The following SMIM43 variants were observed in gnomAD, a reference collection of about 807,000 sequenced individuals.
SMIM43 encodes Nodal Enhanced MEsendoderm Peptide.
rs1268214771 is a variant in SMIM43 at position 121,759,641 on chromosome 4, C to T, written c.*1333G>A. ...ACAGCCCTAGATGTGGGAAGTGTTT[C>T]TTCTTTGCTTAGCTAGGATGTAGGC... On this transcript the variant is annotated 3_prime_UTR_variant, in exon 6 of 6. Coordinates refer to ENST00000643802, the MANE Select transcript of SMIM43 (RefSeq NM_001384332.1). 6.6e-6 allele frequency: 1 copy of T among 152,130 alleles called. No homozygotes were observed. The highest frequency in any genetic ancestry group is 1.5e-5 in the Non-Finnish European group (1 of 68,052). 9.4% of individuals were successfully genotyped at this position (152,130 alleles called of 1,614,324 possible).
chr4:121,760,231 C>T lies in SMIM43; in HGVS notation c.*743G>A. The T allele has an allele frequency of 6.5e-7, 1 of 1,536,002 alleles. No individual in the cohort carries two copies. ...CAAGATCCACCATCATCTTCTTCTT[C>T]ATCAAGAGAAACTGGATTTTTGTCA... On this transcript the variant is annotated 3_prime_UTR_variant, in exon 6 of 6. Coordinates refer to ENST00000643802, the MANE Select transcript of SMIM43 (RefSeq NM_001384332.1).
In SMIM43 at chr4:121,759,001, AACAT is replaced by A. The variant is rs1725910882; in HGVS notation, c.*1969_*1972del. The A allele has an allele frequency of 6.6e-6, 1 of 152,226 alleles. No individual in the cohort carries two copies. Among genetic ancestry groups the A allele is most frequent in the Non-Finnish European group, 1.5e-5 (1 of 68,044 alleles). 9.4% of individuals were successfully genotyped at this position (152,226 alleles called of 1,614,324 possible). On this transcript the variant is annotated 3_prime_UTR_variant, in exon 6 of 6. Coordinates refer to ENST00000643802, the MANE Select transcript of SMIM43 (RefSeq NM_001384332.1). ...ATATAAGCCACCTAATATTTTGAAA[AACAT>A]ACACAGAATAATCATTTAGCTGCCA...
In SMIM43 at chr4:121,759,120, A is replaced by G. The variant is rs1725918247; in HGVS notation, c.*1854T>C. ...GTCACTCTGACTAGGAACACATAAT[A>G]GTCACTAGGAAGGTGAAGTGGAGCA... On this transcript the variant is annotated 3_prime_UTR_variant, in exon 6 of 6. Transcript: ENST00000643802. 3 of 152,356 alleles carry G rather than the reference A, an allele frequency of 2.0e-5. No homozygotes were observed. The highest frequency in any genetic ancestry group is 3.4e-3 in the Middle Eastern group (1 of 294). The allele number at this position is 152,356 out of a possible 1,614,324, so 9.4% of individuals were successfully genotyped here.
chr4:121,764,959 C>T lies in SMIM43; in HGVS notation c.147G>A (p.Ser49=), dbSNP rs775008536. ...TAGALQPGRL[S]VHREPWGFSR... ...AGAAGCCCCAAGGCTCGCGGTGCAC[C>T]GAGAGGCGCCCGGGCTGGAGCGCCC... Residue 49 remains serine (S), a synonymous_variant, in exon 1 of 6, where the codon TCG becomes TCA. Coordinates refer to ENST00000643802, the MANE Select transcript of SMIM43 (RefSeq NM_001384332.1). 5.0e-6 allele frequency: 2 copies of T among 398,432 alleles called. No homozygotes were observed. Among genetic ancestry groups the T allele is most frequent in the Admixed American group, 4.4e-5 (1 of 22,704 alleles). 24.7% of individuals were successfully genotyped at this position (398,432 alleles called of 1,614,324 possible). A position where few individuals can be genotyped will look rare whatever the true frequency, so the allele number is the denominator to read the frequency against.
chr4:121,760,466 T>A lies in SMIM43; in HGVS notation c.*508A>T. 1 of 1,539,986 alleles carries A rather than the reference T, an allele frequency of 6.5e-7. No homozygotes were observed. Among genetic ancestry groups the A allele is most frequent in the Non-Finnish European group, 8.7e-7 (1 of 1,143,574 alleles). On this transcript the variant is annotated 3_prime_UTR_variant, in exon 6 of 6. Coordinates refer to ENST00000643802, the MANE Select transcript of SMIM43 (RefSeq NM_001384332.1). ...TTCTTGTGGGGTGCTGCGGGGACCATCTTGGAACCTGGAGGAAAAAGCCAA... is the reference window on the plus strand; with the variant it reads ...TTCTTGTGGGGTGCTGCGGGGACCAACTTGGAACCTGGAGGAAAAAGCCAA...
In SMIM43 at chr4:121,760,276, C is replaced by T; in HGVS notation, c.*698G>A. 2 of 1,587,214 alleles carry T rather than the reference C, an allele frequency of 1.3e-6. No individual in the cohort carries two copies. Among genetic ancestry groups the T allele is most frequent in the Non-Finnish European group, 1.7e-6 (2 of 1,169,154 alleles). ...TTGTCAAAGGCAGTTATATATCCAG[C>T]TACAAAAACTACATTTCTCAGACAA... On this transcript the variant is annotated 3_prime_UTR_variant, in exon 6 of 6. Transcript: ENST00000643802.
upstream of SMIM43, chr4:121,765,209 C>T: frequency 2.6e-6 from 1 of 384,862 alleles, no homozygotes; most frequent in Non-Finnish European, 4.6e-6. Flanking sequence ...CCGCCCCTCG[C>T]GAGGGCGTCC....
chr4:121,764,702 C>T (rs899368770), intron 1 of SMIM43, 115 bp downstream of exon 1: 36 of 389,148 alleles, frequency 9.3e-5, no homozygotes, highest in African/African-American at 7.0e-4. Context: ...CCCCATACAC[C>T]CACCGTCCCT....
chr4:121,761,253 G>A (rs1040569289), intron 5 of SMIM43, among the ~76,000 whole-genome samples: 6 of 152,092 alleles, frequency 3.9e-5, no homozygotes, highest in East Asian at 1.9e-4. Flanking sequence ...AAATATGCAC[G>A]AATATCTCAG....
chr4:121,762,196 T>C (rs1560609553), intron 3 of SMIM43, among the ~76,000 whole-genome samples: 1 of 152,090 alleles, frequency 6.6e-6, no homozygotes, highest in Non-Finnish European at 1.5e-5. Flanking sequence ...GAACAGGGGA[T>C]CGTCAGGGGA....
At position 121,760,115 on chromosome 4, in the gene SMIM43, T is replaced by A. The variant is rs146568300; in HGVS notation, c.*859A>T. 6,968 of 920,036 alleles carry A rather than the reference T, an allele frequency of 7.6e-3. 35 individuals are homozygous for A. The highest frequency in any genetic ancestry group is 9.8e-3 in the Non-Finnish European group (6,235 of 638,174). 57.0% of individuals were successfully genotyped at this position (920,036 alleles called of 1,614,324 possible). A position where few individuals can be genotyped will look rare whatever the true frequency, so the allele number is the denominator to read the frequency against. On this transcript the variant is annotated 3_prime_UTR_variant, in exon 6 of 6. Transcript: ENST00000643802. ...CAGTGCTGCTTGGAGCTTTGACAGT[T>A]GTGAAGGAACTAGAGTTTTGATCTT... is the stretch of plus-strand genomic sequence containing the variant.
chr4:121,761,401 A>G (rs1249277788), intron 5 of SMIM43, 137 bp downstream of exon 5: 5 of 744,374 alleles, frequency 6.7e-6, no homozygotes, highest in African/African-American at 5.3e-5. Flanking sequence ...ACTATTCTAA[A>G]TGGTTTAACC....
At chr4:121,761,805 A>G (rs770369985) in intron 4 of SMIM43, 25 bp downstream of exon 4, 4 of 1,612,396 alleles carry the variant, frequency 2.5e-6, no homozygotes, top group South Asian at 2.2e-5. Flanking sequence ...CTTGCCAAGT[A>G]GAACTGCAGA....
Position 121,759,730 on chromosome 4 carries a change from G to C in SMIM43, c.*1244C>G, listed in dbSNP as rs1725950579. ...AGGATATTCCTAGACTGGTGGTGGA[G>C]TCACAGAAAGGAGTAAGGTAGCCTT... is the stretch of plus-strand genomic sequence containing the variant. On this transcript the variant is annotated 3_prime_UTR_variant, in exon 6 of 6. Coordinates refer to ENST00000643802, the MANE Select transcript of SMIM43 (RefSeq NM_001384332.1). 1 of 152,216 alleles carries C rather than the reference G, an allele frequency of 6.6e-6. No individual in the cohort carries two copies. Among genetic ancestry groups the C allele is most frequent in the Non-Finnish European group, 1.5e-5 (1 of 68,066 alleles). 9.4% of individuals were successfully genotyped at this position (152,216 alleles called of 1,614,324 possible). A position where few individuals can be genotyped will look rare whatever the true frequency, so the allele number is the denominator to read the frequency against.
In SMIM43 at chr4:121,759,461, A is replaced by G. The variant is rs1223504513; in HGVS notation, c.*1513T>C. 1 of 152,212 alleles carries G rather than the reference A, an allele frequency of 6.6e-6. No homozygotes were observed. Among genetic ancestry groups the G allele is most frequent in the Non-Finnish European group, 1.5e-5 (1 of 68,040 alleles). The allele number at this position is 152,212 out of a possible 1,614,324, so 9.4% of individuals were successfully genotyped here. A position where few individuals can be genotyped will look rare whatever the true frequency, so the allele number is the denominator to read the frequency against. On this transcript the variant is annotated 3_prime_UTR_variant, in exon 6 of 6. Transcript: ENST00000643802. ...CTAGTAGCCCCATTTGGCTATCTGA[A>G]TTTAAATTAATTACAATTAAACAAA...
chr4:121,763,932 A>G (rs1726208076), intron 1 of SMIM43, 60 bp from the exon 2 acceptor site: 1 of 152,194 alleles, frequency 6.6e-6, no homozygotes. Flanking sequence ...GATATTTCCC[A>G]AACTAACATT....
rs201573353 is a variant in SMIM43, at chr4:121,761,892, C to T, written c.*279G>A. ...ATAAGATCTGAAGCCATTTTGAACACCTGAAATTTAGAAACAATGATGAAA... is the reference window on the plus strand; with the variant it reads ...ATAAGATCTGAAGCCATTTTGAACATCTGAAATTTAGAAACAATGATGAAA... On this transcript the variant is annotated splice_region_variant and 3_prime_UTR_variant, in exon 4 of 6. Coordinates refer to ENST00000643802, the MANE Select transcript of SMIM43 (RefSeq NM_001384332.1). 211 of 1,601,504 alleles carry T rather than the reference C, an allele frequency of 1.3e-4. 1 individual carries two copies. In the African/African-American group the frequency reaches 2.0e-3, roughly 15 times the overall value.
Position 121,765,159 on chromosome 4 carries a change from G to C in SMIM43, c.-54C>G, listed in dbSNP as rs892507484. 1.2e-4 allele frequency: 48 copies of C among 393,294 alleles called. No homozygotes were observed. The highest frequency in any genetic ancestry group is 9.5e-4 in the African/African-American group (46 of 48,320). The allele number at this position is 393,294 out of a possible 1,614,324, so 24.4% of individuals were successfully genotyped here. A position where few individuals can be genotyped will look rare whatever the true frequency, so the allele number is the denominator to read the frequency against. On this transcript the variant is annotated 5_prime_UTR_variant, in exon 1 of 6. Transcript: ENST00000643802. ...GCGCGCTCGGCGCGGGCTGCAGCTG[G>C]AGGGCGAGCGCGCCGCCCGCACACC...
chr4:121,760,272 C>A lies in SMIM43; in HGVS notation c.*702G>T. The A allele has an allele frequency of 6.3e-7, 1 of 1,585,568 alleles. No homozygotes were observed. The highest frequency in any genetic ancestry group is 1.2e-5 in the South Asian group (1 of 86,226). Reference sequence around the variant, plus strand: ...ATTTTTGTCAAAGGCAGTTATATATCCAGCTACAAAAACTACATTTCTCAG... The same window carrying A: ...ATTTTTGTCAAAGGCAGTTATATATACAGCTACAAAAACTACATTTCTCAG... On this transcript the variant is annotated 3_prime_UTR_variant, in exon 6 of 6. Transcript: ENST00000643802.
Sources: gnomAD v4.1 joint callset for allele counts (sites outside exome capture counted in the v4.1 genomes callset) on GRCh38, gnomAD v4.1.1 for gene constraint, MANE v1.5 for transcripts, NCBI Gene and HGNC (gene_info 2026-07-23, HGNC 2026-07-21) for gene names.